The following TTC6 variants were observed in gnomAD, a reference collection of about 807,000 sequenced individuals.
TTC6 encodes tetratricopeptide repeat domain 6.
In TTC6, 172 loss-of-function variants were observed where a neutral mutation model predicts 210.4. The ratio of observed to expected loss-of-function variants is 0.82; its 90% CI spans 0.72 to 0.93. The LOEUF is 0.93. Ranked by LOEUF, TTC6 falls within the 40% of genes least tolerant of loss-of-function variation. The probability of loss-of-function intolerance (pLI) is 0.00; values close to 1 mark genes in which losing one functional copy is unlikely to be tolerated. For missense variants in TTC6, 2,414 were observed against 2,318.1 expected (o/e 1.04, Z -0.85); for synonymous variants, 804 against 819.6 (o/e 0.98, Z 0.32).
intron 29 of TTC6, among the ~76,000 whole-genome samples, chr14:37,834,382 A>T (rs1055189674): frequency 6.6e-6 from 1 of 151,916 alleles, no homozygotes. Context: ...TATTCTTTTT[A>T]TTATTATTGT....
At chr14:37,643,604 C>T (rs566862702) in intron 1 of TTC6, among the ~76,000 whole-genome samples, 38 of 152,254 alleles carry the variant, frequency 2.5e-4, no homozygotes, top group African/African-American at 8.9e-4. Flanking sequence ...ACCCTTTACC[C>T]TTTCCTCACC....
intron 7 of TTC6, among the ~76,000 whole-genome samples, chr14:37,728,081 GT>G (rs895543371): frequency 6.6e-6 from 1 of 151,994 alleles, no homozygotes; most frequent in Non-Finnish European, 1.5e-5. Context: ...TGAAGTCTCA[GT>G]TTTTTTTGTT....
At chr14:37,774,727 A>T (rs1466730407) in intron 14 of TTC6, among the ~76,000 whole-genome samples, 1 of 152,092 alleles carries the variant, frequency 6.6e-6, no homozygotes, top group Non-Finnish European at 1.5e-5. Context: ...ACAGGTTTTG[A>T]CATCAGGATA....
intron 15 of TTC6, among the ~76,000 whole-genome samples, chr14:37,789,780 A>C (rs2096075420): frequency 1.3e-5 from 2 of 151,924 alleles, no homozygotes; most frequent in Non-Finnish European, 2.9e-5. Context: ...CCTACTGTTA[A>C]GTGGTGCATG....
chr14:37,637,638 GAA>G (rs980598411), intron 1 of TTC6, among the ~76,000 whole-genome samples: 3 of 150,720 alleles, frequency 2.0e-5, no homozygotes, highest in African/African-American at 7.3e-5. Flanking sequence ...GGGTCCTGAG[GAA>G]AAAAAAGAGA....
intron 5 of TTC6, among the ~76,000 whole-genome samples, chr14:37,709,333 G>T (rs544086162): frequency 1.3e-5 from 2 of 152,058 alleles, no homozygotes; most frequent in Non-Finnish European, 2.9e-5. Flanking sequence ...TTTGCACTCT[G>T]TATCACAGTG....
intron 14 of TTC6, among the ~76,000 whole-genome samples, chr14:37,787,070 A>G (rs2096069455): frequency 6.6e-6 from 1 of 151,656 alleles, no homozygotes; most frequent in South Asian, 2.1e-4. Flanking sequence ...TCTACTCACT[A>G]GGGCCCATGT....
chr14:37,740,852 C>G (rs1759808247), intron 10 of TTC6, among the ~76,000 whole-genome samples: 1 of 152,150 alleles, frequency 6.6e-6, no homozygotes, highest in African/African-American at 2.4e-5. Flanking sequence ...CTTCACCATC[C>G]TGGAAAGGGT....
chr14:37,650,226 C>A (rs1243910826), intron 1 of TTC6, among the ~76,000 whole-genome samples: 2 of 152,182 alleles, frequency 1.3e-5, no homozygotes, highest in Admixed American at 1.3e-4. Flanking sequence ...GGATGTCGAT[C>A]CTCTATGCTC....
chr14:37,680,664 G>T (rs1424623174), intron 2 of TTC6, among the ~76,000 whole-genome samples: 4 of 152,158 alleles, frequency 2.6e-5, no homozygotes. Flanking sequence ...GACAGTTGGT[G>T]ACAGAAATTT....
chr14:37,685,711 A>G (rs1231520246), intron 3 of TTC6, among the ~76,000 whole-genome samples: 2 of 152,210 alleles, frequency 1.3e-5, no homozygotes, highest in East Asian at 3.8e-4. Context: ...TTAAGAGTTA[A>G]CTTGAATATC....
intron 14 of TTC6, among the ~76,000 whole-genome samples, chr14:37,763,308 A>G (rs527747196): frequency 6.6e-6 from 1 of 152,286 alleles, no homozygotes; most frequent in South Asian, 2.1e-4. Flanking sequence ...TGGCTTTAAT[A>G]ACAGGGTAAT....
chr14:37,780,271 G>C (rs896807228), intron 14 of TTC6, among the ~76,000 whole-genome samples: 15 of 152,158 alleles, frequency 9.9e-5, no homozygotes, highest in African/African-American at 3.6e-4. Flanking sequence ...ACATGTGCCA[G>C]ATGTTCACAT....
chr14:37,792,383 G>A, exon 17 of TTC6: 1 of 1,519,398 alleles, frequency 6.6e-7, no homozygotes, highest in Non-Finnish European at 8.8e-7. Context: ...TGTATTCAAA[G>A]CTATCTTTGT....
chr14:37,798,887 A>G (rs2096099015), intron 20 of TTC6, among the ~76,000 whole-genome samples: 1 of 152,182 alleles, frequency 6.6e-6, no homozygotes, highest in South Asian at 2.1e-4. Flanking sequence ...TAAGTAATCT[A>G]TGACATTATT....
intron 2 of TTC6, among the ~76,000 whole-genome samples, chr14:37,615,568 T>G (rs1244959636): frequency 6.6e-6 from 1 of 152,098 alleles, no homozygotes; most frequent in African/African-American, 2.4e-5. Context: ...TAATCAAATT[T>G]TTTTGAAAAT....
intron 29 of TTC6, among the ~76,000 whole-genome samples, chr14:37,833,290 G>A (rs2096190336): frequency 6.6e-6 from 1 of 152,068 alleles, no homozygotes; most frequent in African/African-American, 2.4e-5. Context: ...ATATCTGGGT[G>A]TTCAAGTGTT....
chr14:37,838,564 G>A (rs941790539), intron 29 of TTC6, among the ~76,000 whole-genome samples: 1 of 152,066 alleles, frequency 6.6e-6, no homozygotes, highest in African/African-American at 2.4e-5. Context: ...GTGTAACTGA[G>A]TTTTTATCTC....
At chr14:37,622,651 G>C in exon 1 of TTC6, 1 of 1,535,160 alleles carries the variant, frequency 6.5e-7, no homozygotes, top group Non-Finnish European at 8.7e-7. Flanking sequence ...CCTCTCGCAG[G>C]GCCCTGCATG....
Sources: allele counts gnomAD v4.1 joint callset (sites outside exome capture counted in the v4.1 genomes callset), GRCh38; gene constraint gnomAD v4.1.1; transcripts MANE v1.5; gene names NCBI Gene and HGNC (gene_info 2026-07-23, HGNC 2026-07-21).